Variants in CADPS2 observed in about 807,000 individuals in gnomAD.
CADPS2 encodes calcium dependent secretion activator 2.
Under a neutral mutation model 172.5 loss-of-function variants are expected in CADPS2, and 93 were observed. The observed-to-expected ratio is 0.54, with a 90% CI of 0.46 to 0.64. The LOEUF (loss-of-function observed/expected upper bound fraction) is 0.64. CADPS2 is among the 30% of genes least tolerant of loss of function. The pLI, the probability that CADPS2 is intolerant of heterozygous loss-of-function variation, is 0.00. For synonymous variants in CADPS2, 546 were observed against 555.2 expected (o/e 0.98, Z 0.23); for missense variants, 1,420 against 1,565.9 (o/e 0.91, Z 1.57).
chr7:122,466,091 T>C (rs1213510283), intron 14 of CADPS2, among the ~76,000 whole-genome samples: 1 of 152,194 alleles, frequency 6.6e-6, no homozygotes, highest in Non-Finnish European at 1.5e-5. Flanking sequence ...AGAAGAAGGC[T>C]CTAAAGGTAT....
chr7:122,399,836 G>A (rs1008215466), intron 20 of CADPS2, among the ~76,000 whole-genome samples: 1 of 150,958 alleles, frequency 6.6e-6, no homozygotes, highest in Non-Finnish European at 1.5e-5. Flanking sequence ...ACAGGCGCCC[G>A]CCACTACGCC....
At chr7:122,773,801 T>C (rs1208170751) in intron 1 of CADPS2, among the ~76,000 whole-genome samples, 2 of 152,096 alleles carry the variant, frequency 1.3e-5, no homozygotes, top group Non-Finnish European at 2.9e-5. Flanking sequence ...TCATCCCAGT[T>C]TTCTTGCAAA....
rs1384386035 is a variant in CADPS2, at chr7:122,868,600, G to A, written c.339+17399C>T. Among the ~76,000 whole-genome samples, 4 of 152,186 alleles carry A rather than the reference G, an allele frequency of 2.6e-5. No individual in the cohort carries two copies. In the East Asian group the frequency reaches 7.7e-4, roughly 29 times the overall value. ...TTGGAAAGAAAGATCTTTTACGCAA[G>A]ACCACTCCAACAAGACAGGAAGGGG... On this transcript the variant is annotated intron_variant, in intron 1 of 29. Transcript: ENST00000449022.
intron 1 of CADPS2, among the ~76,000 whole-genome samples, chr7:122,873,530 G>A (rs193039873): frequency 1.2e-3 from 179 of 151,946 alleles, no homozygotes; most frequent in Non-Finnish European, 8.6e-4. Context: ...ATAGTATTCC[G>A]TGGTGTATAT....
chr7:122,627,774 G>A (rs780325993), intron 4 of CADPS2, among the ~76,000 whole-genome samples: 3 of 152,118 alleles, frequency 2.0e-5, no homozygotes, highest in Non-Finnish European at 1.5e-5. Flanking sequence ...CTGCTGTCAG[G>A]CACATCTCTC....
chr7:122,729,198 C>T (rs923230290), intron 2 of CADPS2, among the ~76,000 whole-genome samples: 1 of 151,742 alleles, frequency 6.6e-6, no homozygotes, highest in African/African-American at 2.4e-5. Flanking sequence ...GATAGGATTT[C>T]ATTCTTTTTT....
intron 9 of CADPS2, among the ~76,000 whole-genome samples, chr7:122,501,091 T>G (rs2059160879): frequency 6.6e-6 from 1 of 151,868 alleles, no homozygotes; most frequent in Admixed American, 6.6e-5. Flanking sequence ...CCCCATCTTT[T>G]AAAAACTTTA....
intron 11 of CADPS2, among the ~76,000 whole-genome samples, chr7:122,488,752 A>C (rs181359858): frequency 5.3e-5 from 8 of 152,366 alleles, no homozygotes; most frequent in Admixed American, 5.2e-4. Context: ...TCTTGAATTA[A>C]TTGAATTATA....
chr7:122,681,378 C>T (rs1588380579), intron 2 of CADPS2: 19 of 1,499,118 alleles, frequency 1.3e-5, no homozygotes, highest in South Asian at 2.2e-5. Context: ...GCAACCTGTT[C>T]GCTGTACTAA....
intron 1 of CADPS2, among the ~76,000 whole-genome samples, chr7:122,827,225 A>T (rs1805160841): frequency 1.3e-5 from 2 of 152,206 alleles, no homozygotes; most frequent in Non-Finnish European, 2.9e-5. Context: ...CAGATCACTC[A>T]ATATAAAAAT....
At chr7:122,473,840 C>A (rs2056287694) in intron 13 of CADPS2, among the ~76,000 whole-genome samples, 1 of 152,086 alleles carries the variant, frequency 6.6e-6, no homozygotes, top group Non-Finnish European at 1.5e-5. Context: ...CACTCCTTTC[C>A]TTTTGTCAAG....
chr7:122,427,151 T>G (rs1374226144), intron 17 of CADPS2: 1 of 150,314 alleles, frequency 6.7e-6, no homozygotes, highest in African/African-American at 2.4e-5. Flanking sequence ...TGTTTTAACT[T>G]TTTCTTTTTT....
At chr7:122,521,296 AC>A (rs2060769351) in intron 8 of CADPS2, among the ~76,000 whole-genome samples, 1 of 152,158 alleles carries the variant, frequency 6.6e-6, no homozygotes, top group South Asian at 2.1e-4. Context: ...CATTTAACTG[AC>A]AACAATACAG....
intron 1 of CADPS2, chr7:122,850,205 A>G (rs1329634889): frequency 4.5e-6 from 5 of 1,106,188 alleles, no homozygotes; most frequent in Non-Finnish European, 6.0e-6. Flanking sequence ...CCCTGAGGCT[A>G]TAACTCGCCA....
rs869030691 is a variant in CADPS2, at chr7:122,319,946, CA to C, written c.*218del. The stretch of plus-strand genomic sequence containing the variant: ...CTACACAAAAGAGGATGCTCTTCTC[CA>C]AAAAAACAAACAAACAAACAAACAA... On this transcript the variant is annotated 3_prime_UTR_variant, in exon 30 of 30. Transcript: ENST00000449022. 9.7e-6 allele frequency: 4 copies of C among 410,778 alleles called. No individual in the cohort carries two copies. The highest frequency in any genetic ancestry group is 2.2e-5 in the African/African-American group (1 of 45,338). 25.4% of individuals were successfully genotyped at this position (410,778 alleles called of 1,614,324 possible).
At chr7:122,782,714 A>C (rs992216729) in intron 1 of CADPS2, among the ~76,000 whole-genome samples, 1 of 152,236 alleles carries the variant, frequency 6.6e-6, no homozygotes, top group South Asian at 2.1e-4. Flanking sequence ...ACAGATACTA[A>C]GAAAGTATTT....
chr7:122,776,407 A>G (rs1589135915), intron 1 of CADPS2, among the ~76,000 whole-genome samples: 1 of 152,124 alleles, frequency 6.6e-6, no homozygotes, highest in African/African-American at 2.4e-5. Context: ...AGTAACTACA[A>G]CAGTATAGGT....
At chr7:122,618,559 T>G (rs969167873) in intron 5 of CADPS2, among the ~76,000 whole-genome samples, 1 of 152,178 alleles carries the variant, frequency 6.6e-6, no homozygotes, top group African/African-American at 2.4e-5. Flanking sequence ...GAGGAGAGTT[T>G]TTCAAATCTG....
At position 122,615,281 on chromosome 7, in the gene CADPS2, G is replaced by T; in HGVS notation, c.1123C>A (p.Gln375Lys). 6.5e-7 allele frequency: 1 copy of T among 1,545,306 alleles called. No individual in the cohort carries two copies. Residue 375 changes from glutamine (Q) to lysine (K), a missense_variant, in exon 6 of 30, where the codon CAA (glutamine) becomes AAA (lysine). Gln to Lys is a moderately conservative substitution (Grantham distance 53). Coordinates refer to ENST00000449022, the MANE Select transcript of CADPS2 (RefSeq NM_017954.11). ...TTGGGAGCAACTGACTTCAGGCCTT[G>T]CACTTCCATTATGACAATCTAAAGA... ...FTLEIVIMEV[Q>K]GLKSVAPNRI...
Sources: gnomAD v4.1 joint callset for allele counts (sites outside exome capture counted in the v4.1 genomes callset) on GRCh38, gnomAD v4.1.1 for gene constraint, MANE v1.5 for transcripts, NCBI Gene and HGNC (gene_info 2026-07-23, HGNC 2026-07-21) for gene names.